The following SLF1 variants were observed in gnomAD, a reference collection of about 807,000 sequenced individuals.
SLF1 encodes the protein SMC5/6 complex localization factor 1.
SLF1 carries 105 observed loss-of-function variants against 123.0 expected under a neutral mutation model. The observed-to-expected ratio is 0.85, with a 90% CI of 0.73 to 1.00. SLF1 has a LOEUF of 1.00. Among genes scored for constraint, SLF1 ranks in the 50% least tolerant of loss-of-function variants. SLF1 has a pLI of 0.00. For synonymous variants in SLF1, 434 were observed against 406.6 expected, an observed-to-expected ratio of 1.07 and a Z score of -0.81; for missense variants, 1,239 against 1,223.0, an observed-to-expected ratio of 1.01 and a Z score of -0.20.
chr5:94,660,642 T>C (rs1348972158), intron 9 of SLF1, among the ~76,000 whole-genome samples: 2 of 152,156 alleles, frequency 1.3e-5, no homozygotes, highest in Non-Finnish European at 2.9e-5. Flanking sequence ...CAGATGGCGC[T>C]TGTGGGCACC....
intron 12 of SLF1, among the ~76,000 whole-genome samples, chr5:94,669,606 A>G (rs1750205773): frequency 6.6e-6 from 1 of 152,108 alleles, no homozygotes; most frequent in Non-Finnish European, 1.5e-5. Context: ...CCACATTTCA[A>G]GTGTCTAGTA....
chr5:94,694,088 A>G (rs997502173), intron 20 of SLF1, among the ~76,000 whole-genome samples: 19 of 152,056 alleles, frequency 1.2e-4, no homozygotes, highest in East Asian at 9.7e-4. Context: ...AAGTGCATAA[A>G]TAATTATAAG....
intron 16 of SLF1, 40 bp from the exon 17 acceptor site, chr5:94,688,466 T>G: frequency 1.9e-6 from 3 of 1,585,052 alleles, no homozygotes; most frequent in Middle Eastern, 3.3e-4. Context: ...TACTGCTGTT[T>G]TTGTAGTTGA....
intron 10 of SLF1, 24 bp downstream of exon 10, chr5:94,662,375 G>T (rs570524908): frequency 3.0e-5 from 45 of 1,519,624 alleles, no homozygotes; most frequent in Admixed American, 1.9e-4. Context: ...AGCAGCATTG[G>T]TGATGGGGGC....
In SLF1 at chr5:94,621,083, A is replaced by T. The variant is rs545693294; in HGVS notation, c.-1+2318A>T. Among the ~76,000 whole-genome samples the T allele has an allele frequency of 5.2e-4, 79 of 152,222 alleles. 1 individual carries two copies. In the South Asian group the frequency reaches 8.3e-3, roughly 16 times the overall value. On this transcript the variant is annotated intron_variant, in intron 1 of 20. Coordinates refer to ENST00000265140, the MANE Select transcript of SLF1 (RefSeq NM_032290.4). ...GAAAATAATTTATAATTATGTTTAAATTTTTTCAGTGATATTGCTGTTCTA... is the reference window on the plus strand; with the variant it reads ...GAAAATAATTTATAATTATGTTTAATTTTTTTCAGTGATATTGCTGTTCTA...
intron 4 of SLF1, 72 bp downstream of exon 4, chr5:94,630,815 T>C (rs1745113891): frequency 6.8e-7 from 1 of 1,476,222 alleles, no homozygotes; most frequent in South Asian, 1.4e-5. Flanking sequence ...GTACTTTCTG[T>C]ATTTTTTTGC....
chr5:94,625,110 G>A (rs1353873035), intron 1 of SLF1, among the ~76,000 whole-genome samples: 2 of 151,088 alleles, frequency 1.3e-5, no homozygotes, highest in East Asian at 2.0e-4. Context: ...GGAGAATGGC[G>A]TGAACCCGGG....
In SLF1 at chr5:94,686,679, T is replaced by C. The variant is rs751125366; in HGVS notation, c.2082T>C (p.Ser694=). The C allele has an allele frequency of 4.3e-6, 7 of 1,614,170 alleles. No individual in the cohort carries two copies. The South Asian group carries it at 7.7e-5, about 18-fold the overall frequency. ...AVFKKLCLQS[S]GSVSSEPLSL... The stretch of plus-strand genomic sequence containing the variant: ...TTAAAAAGTTGTGTCTACAGAGCTC[T>C]GGCAGTGTTTCTTCTGAGCCACTCT... Residue 694 remains serine (S), a synonymous_variant, in exon 16 of 21, where the codon TCT becomes TCC. Transcript: ENST00000265140.
intron 11 of SLF1, among the ~76,000 whole-genome samples, chr5:94,665,407 G>A (rs1205843098): frequency 2.0e-5 from 3 of 152,058 alleles, no homozygotes; most frequent in African/African-American, 7.2e-5. Context: ...TAAACATGAT[G>A]CTTCCATCTG....
chr5:94,626,663 T>C (rs982859518), intron 1 of SLF1, among the ~76,000 whole-genome samples: 6 of 152,222 alleles, frequency 3.9e-5, no homozygotes, highest in African/African-American at 9.7e-5. Context: ...TTCTGCATCC[T>C]TCTGCAAGAA....
intron 12 of SLF1, among the ~76,000 whole-genome samples, chr5:94,668,078 C>A (rs545533547): frequency 1.3e-5 from 2 of 151,804 alleles, no homozygotes; most frequent in African/African-American, 4.8e-5. Context: ...TCTCTTCTCT[C>A]CTCTCTCCTC....
intron 4 of SLF1, among the ~76,000 whole-genome samples, chr5:94,633,390 C>G (rs1364985623): frequency 6.6e-6 from 1 of 152,146 alleles, no homozygotes; most frequent in East Asian, 1.9e-4. Context: ...TTTGCTGATT[C>G]TATTTGCAAT....
chr5:94,687,821 A>G (rs1321475723), intron 16 of SLF1, among the ~76,000 whole-genome samples: 1 of 152,170 alleles, frequency 6.6e-6, no homozygotes, highest in Non-Finnish European at 1.5e-5. Flanking sequence ...TAAAATTCCT[A>G]CATAGGTTAT....
In SLF1 at chr5:94,694,835, A is replaced by G. The variant is rs1423709585; in HGVS notation, c.2700A>G (p.Pro900=). 1.3e-6 allele frequency: 2 copies of G among 1,559,622 alleles called. No homozygotes were observed. Among genetic ancestry groups the G allele is most frequent in the Admixed American group, 2.1e-5 (1 of 48,762 alleles). The change falls in exon 21 of 21, where the codon CCA becomes CCG. Residue 900 remains proline (P), a synonymous_variant. Transcript: ENST00000265140. ...IGKLLLQHGG[P]VLLQQRNAKG... Reference sequence around the variant, plus strand: ...TTTTGCATTTTCTTTTCACAGGCCCAGTGCTTTTACAACAGAGGAATGCTA... The same window carrying G: ...TTTTGCATTTTCTTTTCACAGGCCCGGTGCTTTTACAACAGAGGAATGCTA...
In SLF1 at chr5:94,666,042, T is replaced by G; in HGVS notation, c.1532+18T>G. The G allele has an allele frequency of 6.5e-7, 1 of 1,531,136 alleles. No individual in the cohort carries two copies. Among genetic ancestry groups the G allele is most frequent in the South Asian group, 1.2e-5 (1 of 81,290 alleles). The allele number at this position is 1,531,136 out of a possible 1,614,324, so 94.8% of individuals were successfully genotyped here. On this transcript the variant is annotated intron_variant, in intron 12 of 20. Coordinates refer to ENST00000265140, the MANE Select transcript of SLF1 (RefSeq NM_032290.4). ...CTTATCAGGTAAGGAATTTCACATT[T>G]GACGATGCTACATTTCATTGAGTAG...
intron 5 of SLF1, among the ~76,000 whole-genome samples, chr5:94,647,226 A>G (rs1382878461): frequency 6.6e-6 from 1 of 152,248 alleles, no homozygotes; most frequent in Admixed American, 6.5e-5. Context: ...ACGAATATCT[A>G]GTCATAGGAT....
chr5:94,638,670 A>G (rs1362555544), intron 4 of SLF1, among the ~76,000 whole-genome samples: 4 of 152,204 alleles, frequency 2.6e-5, no homozygotes, highest in South Asian at 2.1e-4. Flanking sequence ...GTGTGGCACT[A>G]TGCCAACTTG....
chr5:94,666,353 T>C (rs1339606061), intron 12 of SLF1, among the ~76,000 whole-genome samples: 3 of 152,222 alleles, frequency 2.0e-5, no homozygotes, highest in Non-Finnish European at 4.4e-5. Context: ...ATATCATCAG[T>C]TTTTGTCACC....
rs764744055 is a variant in SLF1, at chr5:94,692,255, G to T, written c.2694G>T (p.Gly898=). The T allele has an allele frequency of 6.2e-6, 10 of 1,612,228 alleles. No homozygotes were observed. Among genetic ancestry groups the T allele is most frequent in the Non-Finnish European group, 7.6e-6 (9 of 1,178,912 alleles). ...TTGGCAAGCTGCTACTACAGCATGGGGGTGAGTGTGTTTATGCTAAATGGG... is the reference window on the plus strand; with the variant it reads ...TTGGCAAGCTGCTACTACAGCATGGTGGTGAGTGTGTTTATGCTAAATGGG... ...VEIGKLLLQH[G]GPVLLQQRNA... The change falls in exon 20 of 21, where the codon GGG becomes GGT. Residue 898 remains glycine, a splice_region_variant and synonymous_variant. Coordinates refer to ENST00000265140, the MANE Select transcript of SLF1 (RefSeq NM_032290.4).
Sources: allele counts gnomAD v4.1 joint callset (sites outside exome capture counted in the v4.1 genomes callset), GRCh38; gene constraint gnomAD v4.1.1; transcripts MANE v1.5; gene names NCBI Gene and HGNC (gene_info 2026-07-23, HGNC 2026-07-21).